The following NOX4 variants were observed in gnomAD, a reference collection of about 807,000 sequenced individuals.
The protein encoded by NOX4 is kidney oxidase-1.
Under a neutral mutation model 87.6 loss-of-function variants are expected in NOX4, and 69 were observed. That is an observed-to-expected ratio of 0.79 (90% confidence interval 0.65 to 0.96). The LOEUF is 0.96. Among genes scored for constraint, NOX4 ranks in the 40% least tolerant of loss-of-function variants. NOX4 has a pLI of 0.00. For missense variants in NOX4, 680 were observed against 681.5 expected, an observed-to-expected ratio of 1.00 and a Z score of 0.02; for synonymous variants, 275 against 238.2, an observed-to-expected ratio of 1.15 and a Z score of -1.42.
chr11:89,478,246 C>G (rs1404420446), intron 2 of NOX4, among the ~76,000 whole-genome samples: 1 of 152,164 alleles, frequency 6.6e-6, no homozygotes, highest in Admixed American at 6.5e-5. Context: ...AAACTAAACA[C>G]AGGTTAACCT....
chr11:89,547,523 T>C, the NOX4 span, among the ~76,000 whole-genome samples: 31 of 152,288 alleles, frequency 2.0e-4, no homozygotes, highest in African/African-American at 7.0e-4. Context: ...CTACTTCTCA[T>C]AGAGGCTTAT....
chr11:89,338,831 T>C (rs1157555767), intron 15 of NOX4, among the ~76,000 whole-genome samples: 3 of 152,178 alleles, frequency 2.0e-5, no homozygotes, highest in African/African-American at 7.2e-5. Flanking sequence ...TTGATGGTTG[T>C]TCTTGAACAT....
intron 2 of NOX4, among the ~76,000 whole-genome samples, chr11:89,485,868 C>T (rs1197445343): frequency 6.6e-6 from 1 of 151,922 alleles, no homozygotes; most frequent in Non-Finnish European, 1.5e-5. Context: ...GATTCCAAAA[C>T]TCATGACATG....
chr11:89,325,618 C>T lies in NOX4; in HGVS notation c.*1138G>A, dbSNP rs996306213. 4 of 151,942 alleles carry T rather than the reference C, an allele frequency of 2.6e-5. No homozygotes were observed. The highest frequency in any genetic ancestry group is 7.3e-5 in the African/African-American group (3 of 41,368). The allele number at this position is 151,942 out of a possible 1,614,324, so 9.4% of individuals were successfully genotyped here. The stretch of plus-strand genomic sequence containing the variant: ...AAGTTTGAATAAGAATATCATATTT[C>T]CTCTTACTTAAAAGGTAAAATACAG... On this transcript the variant is annotated 3_prime_UTR_variant, in exon 18 of 18. Transcript: ENST00000263317.
upstream of NOX4, among the ~76,000 whole-genome samples, chr11:89,502,544 C>T (rs966261453): frequency 1.3e-5 from 2 of 151,938 alleles, no homozygotes; most frequent in African/African-American, 4.8e-5. Context: ...GAGCAAAGGT[C>T]CCTGTTAGCC....
the NOX4 span, among the ~76,000 whole-genome samples, chr11:89,560,188 G>A: frequency 6.6e-6 from 1 of 152,112 alleles, no homozygotes; most frequent in Non-Finnish European, 1.5e-5. Context: ...AATGCCATGT[G>A]ATGACAGAGA....
Position 89,344,784 on chromosome 11 carries a change from A to G in NOX4, c.1218-2591T>C, listed in dbSNP as rs1488944522. Among the ~76,000 whole-genome samples the G allele has an allele frequency of 5.9e-5, 9 of 152,306 alleles. No homozygotes were observed. In the East Asian group the frequency reaches 1.5e-3, roughly 26 times the overall value. On this transcript the variant is annotated intron_variant, in intron 13 of 17. Transcript: ENST00000263317. Reference sequence around the variant, plus strand: ...GGTTAAATAATTTTCTTAAGGTCACACTTATATTAAGGGGGGATGACTTTT... The same window carrying G: ...GGTTAAATAATTTTCTTAAGGTCACGCTTATATTAAGGGGGGATGACTTTT...
chr11:89,384,232 T>C (rs1316617375), intron 11 of NOX4, among the ~76,000 whole-genome samples: 6 of 152,152 alleles, frequency 3.9e-5, no homozygotes, highest in East Asian at 3.9e-4. Flanking sequence ...TATTCTGTTT[T>C]GGATCTCAAA....
chr11:89,518,987 G>A, the NOX4 span, among the ~76,000 whole-genome samples: 266 of 152,140 alleles, frequency 1.7e-3, 1 homozygote, highest in African/African-American at 6.3e-3. Context: ...ACATAGGACT[G>A]CATTACATTG....
chr11:89,360,914 T>C (rs1938474270), intron 12 of NOX4, among the ~76,000 whole-genome samples: 1 of 152,042 alleles, frequency 6.6e-6, no homozygotes, highest in Non-Finnish European at 1.5e-5. Context: ...ACCTTACTAC[T>C]GCAAGAATGG....
At chr11:89,423,945 T>C (rs544987732) in intron 7 of NOX4, among the ~76,000 whole-genome samples, 1 of 152,146 alleles carries the variant, frequency 6.6e-6, no homozygotes, top group African/African-American at 2.4e-5. Flanking sequence ...TGTGTGTTCG[T>C]GATCCTAGCT....
At chr11:89,569,373 A>G in the NOX4 span, among the ~76,000 whole-genome samples, 5 of 151,998 alleles carry the variant, frequency 3.3e-5, no homozygotes, top group Admixed American at 2.6e-4. Flanking sequence ...AACCAAAATA[A>G]CCCTATTAAA....
At chr11:89,513,038 C>T in the NOX4 span, among the ~76,000 whole-genome samples, 5 of 152,102 alleles carry the variant, frequency 3.3e-5, no homozygotes, top group Non-Finnish European at 7.4e-5. Context: ...TTTTCACATT[C>T]GGCTGGGTGC....
At chr11:89,509,989 A>C in the NOX4 span, among the ~76,000 whole-genome samples, 1 of 152,044 alleles carries the variant, frequency 6.6e-6, no homozygotes, top group Admixed American at 6.6e-5. Context: ...CCATTAATGG[A>C]GGTAATTTGA....
At chr11:89,470,717 C>T (rs1945894962) in intron 2 of NOX4, among the ~76,000 whole-genome samples, 1 of 152,100 alleles carries the variant, frequency 6.6e-6, no homozygotes, top group African/African-American at 2.4e-5. Context: ...ATGATCTAGT[C>T]CAACCTCCTT....
the NOX4 span, among the ~76,000 whole-genome samples, chr11:89,583,397 G>A: frequency 6.6e-6 from 1 of 152,098 alleles, no homozygotes; most frequent in African/African-American, 2.4e-5. Flanking sequence ...TTCTTGAATG[G>A]GATAAGTGCA....
intron 11 of NOX4, among the ~76,000 whole-genome samples, chr11:89,379,876 C>A (rs1486079587): frequency 2.0e-5 from 3 of 152,204 alleles, no homozygotes; most frequent in Admixed American, 6.5e-5. Flanking sequence ...ACTGCAACAG[C>A]TCCTAACTGG....
At chr11:89,565,657 C>A in the NOX4 span, among the ~76,000 whole-genome samples, 9 of 152,018 alleles carry the variant, frequency 5.9e-5, no homozygotes, top group South Asian at 1.7e-3. Flanking sequence ...TTTGCACCAG[C>A]ATGGCACATG....
rs1367035327 is a variant in NOX4, at chr11:89,356,803, A to G, written c.1136-1760T>C. ...TACATAATTAAGGTGCTGGATAAAT[A>G]TTTGTTGAAGAAATATTTCCAACAT... On this transcript the variant is annotated intron_variant, in intron 12 of 17. Coordinates refer to ENST00000263317, the MANE Select transcript of NOX4 (RefSeq NM_016931.5). 2.0e-5 allele frequency among the ~76,000 whole-genome samples: 3 copies of G among 152,152 alleles called. No individual in the cohort carries two copies. In the East Asian group the frequency reaches 5.8e-4, roughly 29 times the overall value.
Sources: allele counts gnomAD v4.1 joint callset (sites outside exome capture counted in the v4.1 genomes callset), GRCh38; gene constraint gnomAD v4.1.1; transcripts MANE v1.5; gene names NCBI Gene and HGNC (gene_info 2026-07-23, HGNC 2026-07-21).